Variants in ADGRB3 observed in about 807,000 individuals in gnomAD.
ADGRB3 encodes adhesion G protein-coupled receptor B3, also known as brain-specific angiogenesis inhibitor 3.
In ADGRB3, 37 loss-of-function variants were observed where a neutral mutation model predicts 193.4. The observed-to-expected ratio is 0.19, with a 90% CI of 0.15 to 0.25. The LOEUF (loss-of-function observed/expected upper bound fraction) is 0.25. Among genes scored for constraint, ADGRB3 ranks in the 10% least tolerant of loss-of-function variants. The pLI, the probability that ADGRB3 is intolerant of heterozygous loss-of-function variation, is 1.00. For synonymous variants in ADGRB3, 690 were observed against 644.2 expected, an observed-to-expected ratio of 1.07 and a Z score of -1.08; for missense variants, 1,637 against 1,852.9, an observed-to-expected ratio of 0.88 and a Z score of 2.14.
At chr6:68,877,030 A>T (rs1387942815) in intron 3 of ADGRB3, among the ~76,000 whole-genome samples, 2 of 152,014 alleles carry the variant, frequency 1.3e-5, no homozygotes, top group African/African-American at 4.8e-5. Context: ...CATCTTATAA[A>T]TCATCTTTTT....
chr6:68,910,361 G>A (rs546992478), intron 3 of ADGRB3, among the ~76,000 whole-genome samples: 50 of 152,258 alleles, frequency 3.3e-4, no homozygotes, highest in Admixed American at 8.5e-4. Context: ...TAGGTTGCCT[G>A]TTCACTCTGA....
intron 3 of ADGRB3, among the ~76,000 whole-genome samples, chr6:68,808,483 A>G (rs1334018775): frequency 6.6e-6 from 1 of 151,924 alleles, no homozygotes; most frequent in East Asian, 1.9e-4. Flanking sequence ...GTTATTTTCA[A>G]ATCTAATCCA....
intron 17 of ADGRB3, among the ~76,000 whole-genome samples, chr6:69,219,560 G>A (rs140054889): frequency 0.027 from 3,948 of 145,646 alleles, 76 homozygotes; most frequent in Non-Finnish European, 0.039. Context: ...CTTGGCTGTA[G>A]GTAAGAGAAA....
intron 26 of ADGRB3, among the ~76,000 whole-genome samples, chr6:69,342,807 C>T (rs974643314): frequency 6.6e-6 from 1 of 152,082 alleles, no homozygotes; most frequent in Non-Finnish European, 1.5e-5. Flanking sequence ...ATCTCTACTG[C>T]TCTTCACTTT....
chr6:69,342,161 C>T lies in ADGRB3; in HGVS notation c.3459+2657C>T, dbSNP rs62408284. Among the ~76,000 whole-genome samples, 467 of 152,172 alleles carry T rather than the reference C, an allele frequency of 3.1e-3. 3 individuals carry two copies. The highest frequency in any genetic ancestry group is 6.8e-3 in the Middle Eastern group (2 of 294). Reference sequence around the variant, plus strand: ...AATTAAATCAATCATATAATAAATGCTTCTGCTAAAGTAGGTGTCTCTAAA... The same window carrying T: ...AATTAAATCAATCATATAATAAATGTTTCTGCTAAAGTAGGTGTCTCTAAA... On this transcript the variant is annotated intron_variant, in intron 26 of 31. Transcript: ENST00000370598.
intron 20 of ADGRB3, 33 bp from the exon 21 acceptor site, chr6:69,324,839 A>C: frequency 1.2e-6 from 2 of 1,610,204 alleles, no homozygotes; most frequent in Non-Finnish European, 1.7e-6. Context: ...TCCCAGGTTC[A>C]GTGTGAGTCT....
At chr6:69,015,961 T>C (rs150470543) in intron 12 of ADGRB3, among the ~76,000 whole-genome samples, 9 of 152,100 alleles carry the variant, frequency 5.9e-5, no homozygotes, top group African/African-American at 2.2e-4. Context: ...GTTTGATATT[T>C]CGTCATTACA....
In ADGRB3 at chr6:69,368,474, C is replaced by G. The variant is rs867684636; in HGVS notation, c.4240-3932C>G. Among the ~76,000 whole-genome samples the G allele has an allele frequency of 1.8e-4, 28 of 152,220 alleles. 1 individual carries two copies. The highest frequency in any genetic ancestry group is 6.5e-4 in the African/African-American group (27 of 41,546). On this transcript the variant is annotated intron_variant, in intron 29 of 31. Transcript: ENST00000370598. ...AAGGAAGGAAGGGTGACTCCTGAGT[C>G]TCTCGCTTGACCAATTAGAAATCCA... is the stretch of plus-strand genomic sequence containing the variant.
intron 20 of ADGRB3, among the ~76,000 whole-genome samples, chr6:69,305,509 A>C (rs1269438455): frequency 6.6e-6 from 1 of 151,548 alleles, no homozygotes; most frequent in South Asian, 2.1e-4. Flanking sequence ...TATTTTTTCT[A>C]GGATTAAGAT....
intron 17 of ADGRB3, among the ~76,000 whole-genome samples, chr6:69,209,023 T>A (rs1428234991): frequency 1.3e-5 from 2 of 152,112 alleles, no homozygotes; most frequent in East Asian, 3.9e-4. Flanking sequence ...TGCTCCAAAA[T>A]CCTAGAGGCC....
intron 17 of ADGRB3, among the ~76,000 whole-genome samples, chr6:69,110,254 C>G (rs920682631): frequency 6.6e-6 from 1 of 151,982 alleles, no homozygotes; most frequent in South Asian, 2.1e-4. Flanking sequence ...ATCAGATGAA[C>G]TATTATTATA....
At chr6:68,947,138 A>C (rs776134136) in intron 6 of ADGRB3, among the ~76,000 whole-genome samples, 4 of 152,120 alleles carry the variant, frequency 2.6e-5, no homozygotes, top group Non-Finnish European at 5.9e-5. Context: ...GCATAGAGCA[A>C]CAAAAGGAAT....
chr6:69,154,790 T>C (rs1291132157), intron 17 of ADGRB3, among the ~76,000 whole-genome samples: 1 of 152,240 alleles, frequency 6.6e-6, no homozygotes, highest in Non-Finnish European at 1.5e-5. Context: ...AGTTGCATAG[T>C]ATACCTTAGT....
At chr6:69,306,015 A>G (rs988145791) in intron 20 of ADGRB3, among the ~76,000 whole-genome samples, 8 of 151,530 alleles carry the variant, frequency 5.3e-5, no homozygotes, top group Non-Finnish European at 1.2e-4. Context: ...GATTTAAAGT[A>G]CATGGAAGGA....
At position 68,975,139 on chromosome 6, in the gene ADGRB3, A is replaced by C. The variant is rs1768706403; in HGVS notation, c.1628-95A>C. On this transcript the variant is annotated intron_variant, in intron 9 of 31. Coordinates refer to ENST00000370598, the MANE Select transcript of ADGRB3 (RefSeq NM_001704.3). ...ATGTGCATGTTTTTTAAAGAAAAAA[A>C]GTACAAACTTAATTTTTAGCCTGAT... is the stretch of plus-strand genomic sequence containing the variant. The C allele has an allele frequency of 4.6e-5, 46 of 1,000,572 alleles. 1 individual carries two copies. The South Asian group carries it at 7.4e-4, about 16-fold the overall frequency. 62.0% of individuals were successfully genotyped at this position (1,000,572 alleles called of 1,614,324 possible).
chr6:68,864,542 C>G (rs1486807367), intron 3 of ADGRB3, among the ~76,000 whole-genome samples: 1 of 152,036 alleles, frequency 6.6e-6, no homozygotes, highest in African/African-American at 2.4e-5. Flanking sequence ...AGAGCCACAC[C>G]CTAGGGATGA....
intron 11 of ADGRB3, among the ~76,000 whole-genome samples, chr6:68,997,499 A>C (rs1769420500): frequency 6.7e-6 from 1 of 150,018 alleles, no homozygotes; most frequent in South Asian, 2.1e-4. Flanking sequence ...AAAAAAAAAA[A>C]AAAAAAAAAA....
rs200024209 is a variant in ADGRB3, at chr6:69,354,223, C to T, written c.3460-10C>T. 1.9e-6 allele frequency: 3 copies of T among 1,604,714 alleles called. No individual in the cohort carries two copies. The highest frequency in any genetic ancestry group is 1.7e-5 in the Admixed American group (1 of 59,962). On this transcript the variant is annotated splice_polypyrimidine_tract_variant and intron_variant, in intron 26 of 31. Coordinates refer to ENST00000370598, the MANE Select transcript of ADGRB3 (RefSeq NM_001704.3). ...AGAGAAGAAAATTAATGTGTTCCCC[C>T]TCCCCACAGGTTCAGGATGCATTTA... is the stretch of plus-strand genomic sequence containing the variant.
chr6:68,747,045 TG>T (rs1766099084), intron 3 of ADGRB3, among the ~76,000 whole-genome samples: 1 of 152,162 alleles, frequency 6.6e-6, no homozygotes, highest in Non-Finnish European at 1.5e-5. Context: ...AAGGTGAGGA[TG>T]ATAAGAGTCA....
Sources: allele counts gnomAD v4.1 joint callset (sites outside exome capture counted in the v4.1 genomes callset), GRCh38; gene constraint gnomAD v4.1.1; transcripts MANE v1.5; gene names NCBI Gene and HGNC (gene_info 2026-07-23, HGNC 2026-07-21).